ENPP1: variants seen among roughly 807,000 people sequenced by gnomAD.
ENPP1 encodes the protein ectonucleotide pyrophosphatase/phosphodiesterase 1.
A neutral mutation model predicts 122.8 loss-of-function variants in ENPP1; 73 were observed. The observed-to-expected ratio is 0.59, with a 90% CI of 0.49 to 0.72. The LOEUF (loss-of-function observed/expected upper bound fraction) is 0.72, where lower values mean the gene tolerates loss of function less well. Among genes scored for constraint, ENPP1 ranks in the 30% least tolerant of loss-of-function variants. The pLI is 0.00. For missense variants in ENPP1, 978 were observed against 1,128.1 expected (o/e 0.87, Z 1.91); for synonymous variants, 367 against 391.6 (o/e 0.94, Z 0.74).
intron 9 of ENPP1, among the ~76,000 whole-genome samples, chr6:131,863,753 A>T (rs1782052960): frequency 6.6e-6 from 1 of 150,726 alleles, no homozygotes; most frequent in African/African-American, 2.4e-5. Context: ...TAAAATACAA[A>T]AAAAAAAAAA....
chr6:131,842,115 T>C (rs1781747763), intron 1 of ENPP1, among the ~76,000 whole-genome samples: 1 of 152,172 alleles, frequency 6.6e-6, no homozygotes, highest in South Asian at 2.1e-4. Context: ...CCCCGGTCCT[T>C]GGCAAGTTAC....
At chr6:131,830,783 G>A (rs1044157972) in intron 1 of ENPP1, among the ~76,000 whole-genome samples, 15 of 152,002 alleles carry the variant, frequency 9.9e-5, no homozygotes, top group African/African-American at 3.6e-4. Context: ...ATATGTATAT[G>A]GGTTTGAGTG....
In ENPP1 at chr6:131,893,854, T is replaced by A. The variant is rs1040546632; in HGVS notation, c.*3343T>A. 1 of 151,768 alleles carries A rather than the reference T, an allele frequency of 6.6e-6. No individual in the cohort carries two copies. Among genetic ancestry groups the A allele is most frequent in the African/African-American group, 2.4e-5 (1 of 41,374 alleles). The allele number at this position is 151,768 out of a possible 1,614,324, so 9.4% of individuals were successfully genotyped here. The stretch of plus-strand genomic sequence containing the variant: ...GGTAAATTTGAATGGTAAATTCCCA[T>A]GAACATATATGGAAATGTCTTTATC... On this transcript the variant is annotated 3_prime_UTR_variant, in exon 25 of 25. Coordinates refer to ENST00000647893, the MANE Select transcript of ENPP1 (RefSeq NM_006208.3).
intron 1 of ENPP1, among the ~76,000 whole-genome samples, chr6:131,834,355 G>T (rs946613588): frequency 2.9e-4 from 44 of 152,150 alleles, no homozygotes; most frequent in East Asian, 3.9e-4. Context: ...ACCCAGGAAA[G>T]ATTTCAAATA....
intron 1 of ENPP1, among the ~76,000 whole-genome samples, chr6:131,815,649 G>C (rs1331389603): frequency 2.0e-5 from 3 of 151,604 alleles, no homozygotes; most frequent in Admixed American, 6.6e-5. Context: ...GTATAATAAA[G>C]AACTGGGGGC....
chr6:131,811,165 T>C (rs1224669629), intron 1 of ENPP1, among the ~76,000 whole-genome samples: 1 of 152,120 alleles, frequency 6.6e-6, no homozygotes, highest in African/African-American at 2.4e-5. Context: ...AGTCATGTAA[T>C]TCTCAACTAC....
Position 131,858,747 on chromosome 6 carries a change from C to A in ENPP1, c.795C>A (p.Thr265=). ...KTFPNHYSIV[T]GLYPESHGII... ...TCCCCAATCACTACAGCATTGTCAC[C>A]GTAAGCTCTGCATTTCAACTTCTAT... is the stretch of plus-strand genomic sequence containing the variant. The change falls in exon 7 of 25, where the codon ACC becomes ACA. Residue 265 remains threonine (T), a splice_region_variant and synonymous_variant. Coordinates refer to ENST00000647893, the MANE Select transcript of ENPP1 (RefSeq NM_006208.3). 6.2e-7 allele frequency: 1 copy of A among 1,600,076 alleles called. No individual in the cohort carries two copies. The highest frequency in any genetic ancestry group is 8.6e-7 in the Non-Finnish European group (1 of 1,167,408).
chr6:131,878,714 T>A, intron 19 of ENPP1, 121 bp downstream of exon 19: 1 of 761,070 alleles, frequency 1.3e-6, no homozygotes, highest in Non-Finnish European at 2.3e-6. Flanking sequence ...AAGGGAGTTC[T>A]GGAGGACCAC....
In ENPP1 at chr6:131,850,206, A is replaced by T. The variant is rs1781863788; in HGVS notation, c.430+100A>T. The T allele has an allele frequency of 3.4e-6, 3 of 893,714 alleles. No individual in the cohort carries two copies. In the African/African-American group the frequency reaches 4.9e-5, roughly 15 times the overall value. 55.4% of individuals were successfully genotyped at this position (893,714 alleles called of 1,614,324 possible). On this transcript the variant is annotated intron_variant, in intron 3 of 24. Transcript: ENST00000647893. ...TATGTGATTTACCTAATTCATTTGA[A>T]TTTTTTTTAGTTTAGCATACATACA...
intron 5 of ENPP1, 110 bp downstream of exon 5, chr6:131,852,345 A>G: frequency 1.4e-6 from 1 of 729,044 alleles, no homozygotes; most frequent in South Asian, 1.6e-5. Context: ...TTTATTAAAC[A>G]TTACAGGTTG....
chr6:131,854,274 A>T (rs972971563), intron 5 of ENPP1, among the ~76,000 whole-genome samples: 6 of 152,100 alleles, frequency 3.9e-5, no homozygotes, highest in African/African-American at 1.4e-4. Flanking sequence ...TTAGCCAGGC[A>T]TGGTGGTGCG....
chr6:131,808,320 C>A (rs1389143328), intron 1 of ENPP1, 45 bp downstream of exon 1: 3 of 1,466,436 alleles, frequency 2.0e-6, no homozygotes, highest in Admixed American at 4.6e-5. Flanking sequence ...GCTGGGAGTA[C>A]GGGGAGGGCG....
At chr6:131,827,410 G>T in intron 1 of ENPP1, 1 of 726,368 alleles carries the variant, frequency 1.4e-6, no homozygotes, top group Non-Finnish European at 2.5e-6. Context: ...GATCTCCTCA[G>T]CATCCACCAC....
At chr6:131,843,743 T>C (rs1261087616) in intron 1 of ENPP1, among the ~76,000 whole-genome samples, 1 of 151,934 alleles carries the variant, frequency 6.6e-6, no homozygotes, top group Non-Finnish European at 1.5e-5. Flanking sequence ...TGATTTCAGA[T>C]TAAGCTGGGC....
intron 1 of ENPP1, chr6:131,826,605 G>A: frequency 2.0e-6 from 2 of 1,014,464 alleles, no homozygotes; most frequent in Non-Finnish European, 3.1e-6. Context: ...TGCATTCCAG[G>A]TCACAGCTGA....
chr6:131,825,824 T>C (rs1303432746), intron 1 of ENPP1, among the ~76,000 whole-genome samples: 1 of 152,162 alleles, frequency 6.6e-6, no homozygotes, highest in Non-Finnish European at 1.5e-5. Flanking sequence ...TAAAATTGTG[T>C]TCCCTTTCTA....
chr6:131,845,811 T>C (rs1421649633), intron 1 of ENPP1, among the ~76,000 whole-genome samples: 2 of 152,160 alleles, frequency 1.3e-5, no homozygotes, highest in Non-Finnish European at 2.9e-5. Context: ...ATCAGAAGTT[T>C]AGGAGAATCC....
intron 16 of ENPP1, among the ~76,000 whole-genome samples, chr6:131,875,253 CAT>C (rs1782214708): frequency 1.3e-5 from 2 of 152,086 alleles, no homozygotes; most frequent in Non-Finnish European, 2.9e-5. Flanking sequence ...GTTTCATAAA[CAT>C]ATGACATATC....
chr6:131,834,576 G>A (rs1009286384), intron 1 of ENPP1, among the ~76,000 whole-genome samples: 3 of 146,086 alleles, frequency 2.1e-5, no homozygotes, highest in Admixed American at 7.1e-5. Flanking sequence ...TGTCGCCCAC[G>A]CTGGAGTGCA....
Sources: gnomAD v4.1 joint callset for allele counts (sites outside exome capture counted in the v4.1 genomes callset) on GRCh38, gnomAD v4.1.1 for gene constraint, MANE v1.5 for transcripts, NCBI Gene and HGNC (gene_info 2026-07-23, HGNC 2026-07-21) for gene names.